Variants in GAS2L3 observed in about 807,000 individuals in gnomAD.
The protein encoded by GAS2L3 is growth arrest specific 2 like 3, also known as GAS2-like protein 3.
Under a neutral mutation model 37.0 loss-of-function variants are expected in GAS2L3, and 28 were observed. That is an observed-to-expected ratio of 0.76 (90% confidence interval 0.56 to 1.04). GAS2L3 has a LOEUF of 1.04. Among genes scored for constraint, GAS2L3 ranks in the 50% least tolerant of loss-of-function variants. The pLI is 0.00. For missense variants in GAS2L3, 793 were observed against 817.6 expected, an observed-to-expected ratio of 0.97 and a Z score of 0.37; for synonymous variants, 290 against 296.6, an observed-to-expected ratio of 0.98 and a Z score of 0.23.
chr12:100,608,198 C>T (rs976548116), intron 5 of GAS2L3, among the ~76,000 whole-genome samples: 6 of 152,222 alleles, frequency 3.9e-5, no homozygotes, highest in East Asian at 1.9e-4. Flanking sequence ...CTTGTGTGTG[C>T]GTGTGGGTTT....
rs149215237 is a variant in GAS2L3, at chr12:100,622,347, C to A, written c.721C>A (p.Arg241=). Residue 241 remains arginine, a synonymous_variant, in exon 9 of 10, where the codon CGG becomes AGG. Coordinates refer to ENST00000547754, the MANE Select transcript of GAS2L3 (RefSeq NM_174942.3). ...TTCTATTGAGTATTTATCTGAAGGA[C>A]GGTACCGACTAGGGGATAAAATACT... ...RFSIEYLSEG[R]YRLGDKILFI... is the part of the protein sequence containing the mutation. 335 of 1,594,158 alleles carry A rather than the reference C, an allele frequency of 2.1e-4. No homozygotes were observed. The highest frequency in any genetic ancestry group is 2.7e-4 in the Non-Finnish European group (311 of 1,162,936).
chr12:100,596,719 A>G (rs747680573), intron 3 of GAS2L3, among the ~76,000 whole-genome samples: 2 of 152,176 alleles, frequency 1.3e-5, no homozygotes, highest in Non-Finnish European at 2.9e-5. Context: ...TGATTAATAA[A>G]TAAACATATA....
At chr12:100,603,810 G>A (rs1025182843) in intron 5 of GAS2L3, among the ~76,000 whole-genome samples, 3 of 152,048 alleles carry the variant, frequency 2.0e-5, no homozygotes, top group African/African-American at 7.2e-5. Context: ...TTTTATATAT[G>A]GTGAGAGATA....
Position 100,624,799 on chromosome 12 carries a change from C to A in GAS2L3, c.1994C>A (p.Ala665Glu), listed in dbSNP as rs771810982. ...IRKPPSSVKD[A>E]DSGDKKPTAK... ...AAACCACCCTCATCTGTTAAGGATG[C>A]AGATAGTGGAGATAAAAAACCTACT... is the stretch of plus-strand genomic sequence containing the variant. Residue 665 changes from alanine to glutamate, a missense_variant, in exon 10 of 10, where the codon GCA (alanine) becomes GAA (glutamate). Transcript: ENST00000547754. 2 of 1,613,562 alleles carry A rather than the reference C, an allele frequency of 1.2e-6. No homozygotes were observed. Among genetic ancestry groups the A allele is most frequent in the Admixed American group, 3.3e-5 (2 of 59,986 alleles).
chr12:100,575,282 A>G (rs1955621065), intron 1 of GAS2L3, among the ~76,000 whole-genome samples: 1 of 152,056 alleles, frequency 6.6e-6, no homozygotes, highest in Admixed American at 6.6e-5. Flanking sequence ...AGGTGAAGGC[A>G]GTACCAGAGA....
At chr12:100,596,148 C>T (rs956428297) in intron 3 of GAS2L3, among the ~76,000 whole-genome samples, 2 of 152,046 alleles carry the variant, frequency 1.3e-5, no homozygotes, top group African/African-American at 4.8e-5. Flanking sequence ...CCATGACTGT[C>T]TCCCAGAAGG....
rs1255798054 is a variant in GAS2L3 at position 100,624,508 on chromosome 12, C to T, written c.1703C>T (p.Ser568Leu). Residue 568 changes from serine (S) to leucine (L), a missense_variant, in exon 10 of 10, where the codon TCA becomes TTA. Transcript: ENST00000547754. Reference sequence around the variant, plus strand: ...TTAAATCAGCCAGTTTCTGTGTCCTCAGTTTCTCCTGTAAAAGCCACACAG... The same window carrying T: ...TTAAATCAGCCAGTTTCTGTGTCCTTAGTTTCTCCTGTAAAAGCCACACAG... ...LNLNQPVSVS[S>L]VSPVKATQKS... 3 of 1,613,976 alleles carry T rather than the reference C, an allele frequency of 1.9e-6. No homozygotes were observed. The African/African-American group carries it at 4.0e-5, about 22-fold the overall frequency.
At chr12:100,605,108 A>G (rs1174328557) in intron 5 of GAS2L3, among the ~76,000 whole-genome samples, 1 of 152,050 alleles carries the variant, frequency 6.6e-6, no homozygotes, top group Non-Finnish European at 1.5e-5. Context: ...GCCTCATAGA[A>G]TGAGTTTGGA....
chr12:100,601,279 C>A (rs1367003865), intron 4 of GAS2L3, among the ~76,000 whole-genome samples: 1 of 151,504 alleles, frequency 6.6e-6, no homozygotes, highest in Non-Finnish European at 1.5e-5. Flanking sequence ...GTTAGTATTC[C>A]CTGGGTATTT....
In GAS2L3 at chr12:100,624,782, C is replaced by T. The variant is rs371567102; in HGVS notation, c.1977C>T (p.Pro659=). The change falls in exon 10 of 10, where the codon CCC becomes CCT. Residue 659 remains proline (P), a synonymous_variant. Coordinates refer to ENST00000547754, the MANE Select transcript of GAS2L3 (RefSeq NM_174942.3). The part of the protein sequence containing the change: ...GKTPASIRKP[P]SSVKDADSGD... ...CCCCAGCTTCAATCAGGAAACCACC[C>T]TCATCTGTTAAGGATGCAGATAGTG... 9 of 1,613,756 alleles carry T rather than the reference C, an allele frequency of 5.6e-6. No individual in the cohort carries two copies. In the African/African-American group the frequency reaches 8.0e-5, roughly 14 times the overall value.
chr12:100,575,433 T>G (rs1955623194), intron 1 of GAS2L3, among the ~76,000 whole-genome samples: 1 of 151,430 alleles, frequency 6.6e-6, no homozygotes, highest in Admixed American at 6.6e-5. Context: ...TATATTATTG[T>G]TAAACCTCTT....
At chr12:100,607,114 G>A (rs1565807424) in intron 5 of GAS2L3, among the ~76,000 whole-genome samples, 1 of 152,212 alleles carries the variant, frequency 6.6e-6, no homozygotes, top group East Asian at 1.9e-4. Flanking sequence ...AGGATGGTCT[G>A]GTGTGGATGA....
At chr12:100,600,203 G>A (rs1169373112) in intron 3 of GAS2L3, among the ~76,000 whole-genome samples, 179 bp from the exon 4 acceptor site, 1 of 152,152 alleles carries the variant, frequency 6.6e-6, no homozygotes, top group African/African-American at 2.4e-5. Flanking sequence ...TCTAGCCTGG[G>A]CAACAGAATA....
Position 100,624,873 on chromosome 12 carries a change from AAG to A in GAS2L3, c.2070_2071del (p.Lys691ThrfsTer2). On this transcript the variant is annotated frameshift_variant, in exon 10 of 10. Coordinates refer to ENST00000547754, the MANE Select transcript of GAS2L3 (RefSeq NM_174942.3). LOFTEE classifies it high-confidence loss of function. ...DDHYFVMTGS[K>X]KPRK The stretch of plus-strand genomic sequence containing the variant: ...CCATTATTTTGTCATGACTGGAAGT[AAG>A]AAACCTAGAAAATAAATACATACTC... The A allele has an allele frequency of 3.2e-6, 5 of 1,582,014 alleles. No homozygotes were observed. Among genetic ancestry groups the A allele is most frequent in the Non-Finnish European group, 4.3e-6 (5 of 1,160,878 alleles).
chr12:100,619,266 C>T (rs546293438), intron 8 of GAS2L3, among the ~76,000 whole-genome samples: 83 of 151,874 alleles, frequency 5.5e-4, no homozygotes, highest in Non-Finnish European at 8.8e-4. Context: ...TACAACTGGA[C>T]AGTCTTCTTA....
chr12:100,583,926 A>C (rs76760456), intron 1 of GAS2L3, among the ~76,000 whole-genome samples: 95 of 152,338 alleles, frequency 6.2e-4, no homozygotes, highest in African/African-American at 2.3e-3. Flanking sequence ...AATAAGAAAT[A>C]ATAAATGATA....
intron 4 of GAS2L3, among the ~76,000 whole-genome samples, 181 bp from the exon 5 acceptor site, chr12:100,601,457 C>T (rs1955988017): frequency 1.3e-5 from 2 of 151,870 alleles, no homozygotes; most frequent in Admixed American, 1.3e-4. Context: ...ATTTTTGTTT[C>T]AGTATCATTA....
At chr12:100,617,306 G>A (rs892476153) in intron 6 of GAS2L3, among the ~76,000 whole-genome samples, 12 of 152,100 alleles carry the variant, frequency 7.9e-5, no homozygotes, top group Admixed American at 2.0e-4. Context: ...TGATATCAGG[G>A]TAATGCTGTC....
chr12:100,614,339 T>C (rs934594473), intron 6 of GAS2L3, among the ~76,000 whole-genome samples: 1 of 151,966 alleles, frequency 6.6e-6, no homozygotes, highest in Non-Finnish European at 1.5e-5. Context: ...GGTGCACGCC[T>C]GTAGTCCCAG....
Sources: gnomAD v4.1 joint callset for allele counts (sites outside exome capture counted in the v4.1 genomes callset) on GRCh38, gnomAD v4.1.1 for gene constraint, MANE v1.5 for transcripts, NCBI Gene and HGNC (gene_info 2026-07-23, HGNC 2026-07-21) for gene names.